Variants in PRELID2 observed in about 807,000 individuals in gnomAD.
PRELID2 encodes the protein PRELI domain-containing protein 2.
Under a neutral mutation model 28.4 loss-of-function variants are expected in PRELID2, and 25 were observed. The observed-to-expected ratio is 0.88, with a 90% CI of 0.64 to 1.23. The LOEUF is 1.23. Ranked by LOEUF, PRELID2 falls within the 50% of genes most tolerant of loss-of-function variation. The pLI is 0.00. For missense variants in PRELID2, 201 were observed against 214.4 expected, an observed-to-expected ratio of 0.94 and a Z score of 0.39; for synonymous variants, 76 against 71.6, an observed-to-expected ratio of 1.06 and a Z score of -0.31.
intron 1 of PRELID2, among the ~76,000 whole-genome samples, chr5:145,745,266 G>T (rs1175925930): frequency 6.6e-6 from 1 of 152,198 alleles, no homozygotes; most frequent in Non-Finnish European, 1.5e-5. Flanking sequence ...GCGGAGCATG[G>T]AAACAAGCTG....
chr5:145,230,097 T>TC, the PRELID2 span: 7 of 628,628 alleles, frequency 1.1e-5, no homozygotes, highest in East Asian at 3.3e-5. Flanking sequence ...AATTTGCAGA[T>TC]CCCCCAAGTA....
At chr5:145,339,154 T>G in the PRELID2 span, among the ~76,000 whole-genome samples, 1 of 152,206 alleles carries the variant, frequency 6.6e-6, no homozygotes, top group Admixed American at 6.5e-5. Context: ...GCTGACTAGA[T>G]GCAGCCAGTA....
At chr5:145,317,399 T>C in the PRELID2 span, among the ~76,000 whole-genome samples, 5 of 152,202 alleles carry the variant, frequency 3.3e-5, no homozygotes, top group African/African-American at 9.6e-5. Flanking sequence ...GAACAGCCTG[T>C]GGCCCCAGAG....
chr5:145,422,909 G>A, the PRELID2 span, among the ~76,000 whole-genome samples: 10 of 150,666 alleles, frequency 6.6e-5, no homozygotes, highest in African/African-American at 9.8e-5. Context: ...CTTCCTTCAA[G>A]AGCTCTTGTA....
intron 1 of PRELID2, among the ~76,000 whole-genome samples, chr5:145,510,323 A>G (rs1752450131): frequency 6.6e-6 from 1 of 152,200 alleles, no homozygotes; most frequent in Non-Finnish European, 1.5e-5. Flanking sequence ...TATATAGAAT[A>G]TTAAACAAGA....
chr5:145,457,795 A>C, the PRELID2 span, among the ~76,000 whole-genome samples: 1 of 152,162 alleles, frequency 6.6e-6, no homozygotes, highest in Non-Finnish European at 1.5e-5. Context: ...CATGCCCCTT[A>C]ACCTTGGTTT....
the PRELID2 span, among the ~76,000 whole-genome samples, chr5:145,440,071 T>C: frequency 6.6e-6 from 1 of 152,102 alleles, no homozygotes; most frequent in Admixed American, 6.6e-5. Context: ...TAGTCCACTC[T>C]GAGGCTGAGC....
At chr5:145,229,500 A>G in the PRELID2 span, 2 of 1,194,914 alleles carry the variant, frequency 1.7e-6, no homozygotes, top group East Asian at 4.7e-5. Flanking sequence ...ATCCAATTCA[A>G]AAAAGGAGTC....
At chr5:145,559,461 A>G (rs1362858530) in intron 1 of PRELID2, among the ~76,000 whole-genome samples, 1 of 152,224 alleles carries the variant, frequency 6.6e-6, no homozygotes, top group African/African-American at 2.4e-5. Flanking sequence ...TACATAATGT[A>G]GTCTTTTTTG....
Position 145,725,256 on chromosome 5 carries a change from G to A in PRELID2, n.70+39675C>T, listed in dbSNP as rs187595719. On this transcript the variant is annotated intron_variant and non_coding_transcript_variant, in intron 1 of 2. Coordinates refer to the PRELID2 transcript ENST00000510259. The stretch of plus-strand genomic sequence containing the variant: ...ACATAATAAGGTGCTCAGAATCATC[G>A]TTAATTTGATAAATTCACATTTAAA... Among the ~76,000 whole-genome samples, 412 of 152,132 alleles carry A rather than the reference G, an allele frequency of 2.7e-3. 3 individuals carry two copies. The highest frequency in any genetic ancestry group is 9.1e-3 in the African/African-American group (377 of 41,490).
At chr5:145,623,511 A>G (rs1369184230) in intron 1 of PRELID2, among the ~76,000 whole-genome samples, 1 of 152,092 alleles carries the variant, frequency 6.6e-6, no homozygotes, top group Non-Finnish European at 1.5e-5. Context: ...AAAACAATGT[A>G]GTGGCATTGA....
At chr5:145,452,939 A>C in the PRELID2 span, among the ~76,000 whole-genome samples, 1 of 152,156 alleles carries the variant, frequency 6.6e-6, no homozygotes, top group African/African-American at 2.4e-5. Context: ...AAAACTCTAA[A>C]ACTTCCTCCA....
At chr5:145,529,435 AATTATGAATCTGTT>A (rs562671357) in intron 1 of PRELID2, among the ~76,000 whole-genome samples, 143 of 152,310 alleles carry the variant, frequency 9.4e-4, no homozygotes, top group African/African-American at 3.2e-3. Flanking sequence ...AATGGGCCAC[AATTATGAATCTGTT>A]ATTACAACTT....
At chr5:145,780,803 T>C (rs931409829) in intron 5 of PRELID2, among the ~76,000 whole-genome samples, 1 of 152,290 alleles carries the variant, frequency 6.6e-6, no homozygotes, top group East Asian at 1.9e-4. Context: ...ATTTTAATTA[T>C]AGCCTTTAAA....
At chr5:145,303,869 G>T in the PRELID2 span, among the ~76,000 whole-genome samples, 2 of 152,110 alleles carry the variant, frequency 1.3e-5, no homozygotes, top group Admixed American at 6.5e-5. Flanking sequence ...GACCATCTTT[G>T]TTGCATGTCC....
the PRELID2 span, among the ~76,000 whole-genome samples, chr5:145,360,744 A>C: frequency 1.3e-5 from 2 of 152,238 alleles, no homozygotes; most frequent in African/African-American, 4.8e-5. Flanking sequence ...ATATGGAGTT[A>C]TAATAATTCC....
the PRELID2 span, among the ~76,000 whole-genome samples, chr5:145,315,802 G>A: frequency 2.0e-5 from 3 of 152,122 alleles, no homozygotes; most frequent in Non-Finnish European, 2.9e-5. Flanking sequence ...AATAGGTGGA[G>A]GTAACAGGTA....
the PRELID2 span, among the ~76,000 whole-genome samples, chr5:145,410,561 G>A: frequency 6.6e-6 from 1 of 152,236 alleles, no homozygotes; most frequent in East Asian, 1.9e-4. Flanking sequence ...TTCACAGAGT[G>A]GTAGGAGAGA....
At chr5:145,501,991 C>A (rs1449663410) in intron 1 of PRELID2, among the ~76,000 whole-genome samples, 4 of 152,168 alleles carry the variant, frequency 2.6e-5, no homozygotes, top group Non-Finnish European at 5.9e-5. Flanking sequence ...CTCACACACA[C>A]CCCTAGAAAC....
Sources: allele counts gnomAD v4.1 joint callset (sites outside exome capture counted in the v4.1 genomes callset), GRCh38; gene constraint gnomAD v4.1.1; transcripts MANE v1.5; gene names NCBI Gene and HGNC (gene_info 2026-07-23, HGNC 2026-07-21).